CDK14: variants seen among roughly 807,000 people sequenced by gnomAD.
CDK14 encodes the protein cyclin-dependent kinase 14.
CDK14 carries 34 observed loss-of-function variants against 60.7 expected under a neutral mutation model. The observed-to-expected ratio is 0.56, with a 90% CI of 0.43 to 0.75. The LOEUF (loss-of-function observed/expected upper bound fraction) is 0.75. Among genes scored for constraint, CDK14 ranks in the 30% least tolerant of loss-of-function variants. CDK14 has a pLI of 0.00. For missense variants in CDK14, 482 were observed against 564.1 expected (o/e 0.85, Z 1.47); for synonymous variants, 197 against 203.7 (o/e 0.97, Z 0.28).
At chr7:90,636,312 A>G (rs1488210145) in intron 2 of CDK14, among the ~76,000 whole-genome samples, 1 of 152,214 alleles carries the variant, frequency 6.6e-6, no homozygotes, top group South Asian at 2.1e-4. Context: ...ACGTCCCATC[A>G]ATACCTGATT....
chr7:90,715,854 A>G (rs79738254), intron 2 of CDK14, among the ~76,000 whole-genome samples: 3 of 151,906 alleles, frequency 2.0e-5, no homozygotes, highest in East Asian at 3.9e-4. Flanking sequence ...ATCTCAAAAC[A>G]AAGTCACCCG....
At chr7:90,655,632 C>T (rs561658042) in intron 2 of CDK14, among the ~76,000 whole-genome samples, 4 of 152,276 alleles carry the variant, frequency 2.6e-5, no homozygotes, top group African/African-American at 4.8e-5. Flanking sequence ...ACATGAGCAA[C>T]GTACTCAACC....
intron 5 of CDK14, among the ~76,000 whole-genome samples, chr7:90,798,394 C>T (rs1166830874): frequency 6.6e-6 from 1 of 152,104 alleles, no homozygotes; most frequent in Non-Finnish European, 1.5e-5. Context: ...AATAACTCCT[C>T]TGTGTATCTA....
At chr7:90,709,071 G>GCTCTAAGTCCAC (rs1801968660) in intron 2 of CDK14, among the ~76,000 whole-genome samples, 1 of 151,814 alleles carries the variant, frequency 6.6e-6, no homozygotes. Context: ...AATGGTATGA[G>GCTCTAAGTCCAC]CTCTAAGTCC....
At chr7:90,701,118 G>A (rs1056043120) in intron 2 of CDK14, among the ~76,000 whole-genome samples, 11 of 151,436 alleles carry the variant, frequency 7.3e-5, no homozygotes, top group Non-Finnish European at 1.6e-4. Flanking sequence ...TTTTTCCTTC[G>A]TGGCCAGAAG....
chr7:90,634,953 G>A (rs911854119), intron 2 of CDK14, among the ~76,000 whole-genome samples: 93 of 151,952 alleles, frequency 6.1e-4, no homozygotes, highest in African/African-American at 1.7e-3. Context: ...GTCTGTTCAT[G>A]TCCTTTGCCC....
At chr7:90,797,928 A>C (rs1375754038) in intron 5 of CDK14, among the ~76,000 whole-genome samples, 1 of 151,978 alleles carries the variant, frequency 6.6e-6, no homozygotes, top group Non-Finnish European at 1.5e-5. Context: ...ACAATTCAAC[A>C]TGAGATTTAG....
At chr7:90,638,701 T>C (rs1367072714) in intron 2 of CDK14, among the ~76,000 whole-genome samples, 1 of 152,240 alleles carries the variant, frequency 6.6e-6, no homozygotes, top group Admixed American at 6.5e-5. Flanking sequence ...GGGGAAGTTC[T>C]CCTGGATAAT....
At chr7:90,864,182 T>C (rs1791101326) in intron 6 of CDK14, among the ~76,000 whole-genome samples, 1 of 152,164 alleles carries the variant, frequency 6.6e-6, no homozygotes, top group African/African-American at 2.4e-5. Context: ...TATGTCTGCC[T>C]GTGTCTGTCA....
At chr7:91,115,086 G>A (rs1185798451) in intron 13 of CDK14, among the ~76,000 whole-genome samples, 5 of 152,242 alleles carry the variant, frequency 3.3e-5, no homozygotes, top group Admixed American at 2.6e-4. Context: ...ATACCCTTAC[G>A]TATTTCTTTT....
intron 10 of CDK14, among the ~76,000 whole-genome samples, chr7:90,993,294 C>T (rs1382537133): frequency 6.6e-6 from 1 of 151,900 alleles, no homozygotes; most frequent in East Asian, 1.9e-4. Context: ...AGAACTGGGT[C>T]AATGAAGAGA....
At chr7:90,671,437 A>T (rs548891949) in intron 2 of CDK14, among the ~76,000 whole-genome samples, 3 of 152,294 alleles carry the variant, frequency 2.0e-5, no homozygotes, top group East Asian at 3.9e-4. Flanking sequence ...CAAATGAAAG[A>T]AAAAAACAAA....
At chr7:91,047,689 T>C (rs535399362) in intron 11 of CDK14, among the ~76,000 whole-genome samples, 65 of 152,300 alleles carry the variant, frequency 4.3e-4, no homozygotes, top group Non-Finnish European at 9.0e-4. Flanking sequence ...AAGTAACATA[T>C]GAAGATGGTG....
At chr7:90,739,576 G>T (rs919256129) in intron 3 of CDK14, among the ~76,000 whole-genome samples, 1 of 152,098 alleles carries the variant, frequency 6.6e-6, no homozygotes, top group South Asian at 2.1e-4. Flanking sequence ...TTTCCAGAAA[G>T]AGAAAATTTT....
At chr7:90,986,673 G>A (rs1795380264) in intron 10 of CDK14, among the ~76,000 whole-genome samples, 1 of 151,698 alleles carries the variant, frequency 6.6e-6, no homozygotes. Flanking sequence ...GACAAAAATG[G>A]CCAAGAGAGA....
At chr7:91,196,357 C>T (rs1802541919) in intron 14 of CDK14, among the ~76,000 whole-genome samples, 1 of 152,196 alleles carries the variant, frequency 6.6e-6, no homozygotes, top group South Asian at 2.1e-4. Flanking sequence ...CAAGCCAGTT[C>T]CAGAACACCA....
chr7:90,866,841 G>C (rs1791209333), intron 6 of CDK14, among the ~76,000 whole-genome samples: 2 of 152,130 alleles, frequency 1.3e-5, no homozygotes, highest in South Asian at 2.1e-4. Context: ...TATTAAAGTG[G>C]TTTAGCGGCT....
chr7:90,633,457 T>C (rs2116410055), intron 2 of CDK14, among the ~76,000 whole-genome samples: 1 of 152,342 alleles, frequency 6.6e-6, no homozygotes, highest in Admixed American at 6.5e-5. Context: ...TTCTGAAATT[T>C]TGTTTATTTT....
intron 2 of CDK14, 181 bp from the exon 3 acceptor site, chr7:90,726,386 A>G: frequency 7.8e-7 from 1 of 1,285,374 alleles, no homozygotes; most frequent in African/African-American, 1.5e-5. Context: ...CTAAGTGTAA[A>G]CACAATGATT....
Sources: gnomAD v4.1 joint callset for allele counts (sites outside exome capture counted in the v4.1 genomes callset) on GRCh38, gnomAD v4.1.1 for gene constraint, MANE v1.5 for transcripts, NCBI Gene and HGNC (gene_info 2026-07-23, HGNC 2026-07-21) for gene names.